The following GRB7 variants were observed in gnomAD, a reference collection of about 807,000 sequenced individuals.
GRB7 encodes the protein growth factor receptor bound protein 7.
Under a neutral mutation model 64.1 loss-of-function variants are expected in GRB7, and 47 were observed. The observed-to-expected ratio is 0.73, with a 90% CI of 0.58 to 0.94. The LOEUF (loss-of-function observed/expected upper bound fraction) is 0.94. Ranked by LOEUF, GRB7 falls within the 40% of genes least tolerant of loss-of-function variation. The pLI is 0.00. For synonymous variants in GRB7, 277 were observed against 279.9 expected (o/e 0.99, Z 0.10); for missense variants, 634 against 718.4 (o/e 0.88, Z 1.34).
In GRB7 at chr17:39,744,149, G is replaced by T. The variant is rs776279813; in HGVS notation, c.743G>T (p.Arg248Leu). The T allele has an allele frequency of 6.2e-7, 1 of 1,613,958 alleles. No individual in the cohort carries two copies. Among genetic ancestry groups the T allele is most frequent in the African/African-American group, 1.3e-5 (1 of 74,856 alleles). The change falls in exon 7 of 15, where the codon CGC (arginine) becomes CTC (leucine). Residue 248 changes from arginine (R) to leucine (L), a missense_variant. Arg to Leu is a moderately radical substitution (Grantham distance 102). Around this residue, in one of 2 missense-constraint regions of GRB7, gnomAD observed 467 missense variants for 576.6 expected, o/e 0.81. Transcript: ENST00000309156. ...GGTTCAGGACGGAAGCTTTGGAAAC[G>T]CTTTTTCTGCTTCTTGCGCCGATCT... Reference protein sequence around the residue: ...LRGSGRKLWKRFFCFLRRSGL... With the variant: ...LRGSGRKLWKLFFCFLRRSGL...
chr17:39,741,725 G>A (rs1052430410), intron 1 of GRB7, among the ~76,000 whole-genome samples: 4 of 152,166 alleles, frequency 2.6e-5, no homozygotes, highest in African/African-American at 9.7e-5. Context: ...TTGTGCTAAA[G>A]AAAGAGCACT....
Position 39,742,964 on chromosome 17 carries a change from C to G in GRB7, c.373C>G (p.Arg125Gly), listed in dbSNP as rs775378357. The G allele has an allele frequency of 6.2e-7, 1 of 1,613,146 alleles. No homozygotes were observed. Among genetic ancestry groups the G allele is most frequent in the Admixed American group, 1.7e-5 (1 of 59,920 alleles). Reference protein sequence around the residue: ...SVEVAAGATARHVCEMLVQRA... With the variant: ...SVEVAAGATAGHVCEMLVQRA... ...GGAGGTGGCAGCAGGTGCCACAGCTCGCCACGTGTGTGAAATGCTGGTGCA... is the reference window on the plus strand; with the variant it reads ...GGAGGTGGCAGCAGGTGCCACAGCTGGCCACGTGTGTGAAATGCTGGTGCA... Residue 125 changes from arginine (R) to glycine (G), a missense_variant, in exon 4 of 15, where the codon CGC becomes GGC. Around this residue, in one of 2 missense-constraint regions of GRB7, gnomAD observed 467 missense variants for 576.6 expected, o/e 0.81. Transcript: ENST00000309156.
chr17:39,745,149 C>G, intron 9 of GRB7, 94 bp from the exon 10 acceptor site: 2 of 1,222,964 alleles, frequency 1.6e-6, no homozygotes, highest in Non-Finnish European at 2.3e-6. Flanking sequence ...AGAAACACAG[C>G]CCTGGTCTGG....
chr17:39,743,819 CAAAAAAAAAAAAAA>C (rs35101034), intron 6 of GRB7, among the ~76,000 whole-genome samples: 2 of 41,676 alleles, frequency 4.8e-5, no homozygotes, highest in African/African-American at 1.1e-4. Flanking sequence ...CTCGTCTCTC[CAAAAAAAAAAAAAA>C]AAAAAAAAAA....
chr17:39,738,869 G>C (rs749642701), intron 1 of GRB7: 13 of 1,533,972 alleles, frequency 8.5e-6, no homozygotes, highest in South Asian at 1.2e-5. Context: ...TCTCCAGATT[G>C]TATGCCCTTC....
Position 39,742,983 on chromosome 17 carries a change from T to C in GRB7, c.392T>C (p.Leu131Pro), listed in dbSNP as rs1384984914. The C allele has an allele frequency of 1.2e-6, 2 of 1,613,446 alleles. No individual in the cohort carries two copies. Among genetic ancestry groups the C allele is most frequent in the South Asian group, 2.2e-5 (2 of 90,940 alleles). ...GATARHVCEM[L>P]VQRAHALSDE... ...ACAGCTCGCCACGTGTGTGAAATGC[T>C]GGTGCAGCGAGCTCACGCCTTGAGC... Residue 131 changes from leucine (L) to proline (P), a missense_variant, in exon 4 of 15, where the codon CTG (leucine) becomes CCG (proline). This residue lies in a region of GRB7 where 467 missense variants were observed against 576.6 expected (regional missense o/e 0.81). Transcript: ENST00000309156.
rs747499752 is a variant in GRB7, at chr17:39,742,957, C to T, written c.366C>T (p.Ala122=). Residue 122 remains alanine, a synonymous_variant, in exon 4 of 15, where the codon GCC becomes GCT. Transcript: ENST00000309156. ...GGTCTGTGGAGGTGGCAGCAGGTGCCACAGCTCGCCACGTGTGTGAAATGC... is the reference window on the plus strand; with the variant it reads ...GGTCTGTGGAGGTGGCAGCAGGTGCTACAGCTCGCCACGTGTGTGAAATGC... ...ACRSVEVAAG[A]TARHVCEMLV... 5 of 1,613,076 alleles carry T rather than the reference C, an allele frequency of 3.1e-6. No individual in the cohort carries two copies. Among genetic ancestry groups the T allele is most frequent in the Non-Finnish European group, 4.2e-6 (5 of 1,179,438 alleles).
chr17:39,744,715 A>C (rs2060028460), intron 8 of GRB7, 52 bp downstream of exon 8: 5 of 1,487,082 alleles, frequency 3.4e-6, no homozygotes, highest in Non-Finnish European at 4.6e-6. Flanking sequence ...GGAACTGCTC[A>C]GGCCCCTGGA....
At chr17:39,741,324 T>G (rs2059992519) in intron 1 of GRB7, among the ~76,000 whole-genome samples, 1 of 152,104 alleles carries the variant, frequency 6.6e-6, no homozygotes, top group Admixed American at 6.5e-5. Flanking sequence ...GGCAGGAGGA[T>G]GGCCTGGGGA....
At chr17:39,746,504 T>G (rs558670358) in intron 14 of GRB7, among the ~76,000 whole-genome samples, 2 of 151,576 alleles carry the variant, frequency 1.3e-5, no homozygotes, top group East Asian at 1.9e-4. Context: ...GTAGTCCAGC[T>G]ACTCAGGAGG....
At chr17:39,745,153 G>A (rs2060032961) in intron 9 of GRB7, 90 bp from the exon 10 acceptor site, 2 of 1,243,442 alleles carry the variant, frequency 1.6e-6, no homozygotes, top group Non-Finnish European at 1.1e-6. Flanking sequence ...ACACAGCCCT[G>A]GTCTGGGCAA....
chr17:39,745,171 T>C (rs1597907533), intron 9 of GRB7, 72 bp from the exon 10 acceptor site: 1 of 1,350,788 alleles, frequency 7.4e-7, no homozygotes, highest in East Asian at 2.3e-5. Context: ...CAAGTCCTGG[T>C]CTGAGGGGGG....
At chr17:39,746,558 G>A (rs1332623263) in intron 14 of GRB7, among the ~76,000 whole-genome samples, 193 bp from the exon 15 acceptor site, 2 of 151,936 alleles carry the variant, frequency 1.3e-5, no homozygotes, top group Non-Finnish European at 2.9e-5. Context: ...CAAGGCTGCA[G>A]TGAGCCATGG....
At chr17:39,745,596 C>A in intron 11 of GRB7, 58 bp downstream of exon 11, 1 of 1,568,262 alleles carries the variant, frequency 6.4e-7, no homozygotes. Context: ...TGGGTGGGAT[C>A]CCTGAAATAG....
chr17:39,743,894 G>A (rs2060019296), intron 6 of GRB7, among the ~76,000 whole-genome samples, 176 bp from the exon 7 acceptor site: 1 of 150,928 alleles, frequency 6.6e-6, no homozygotes, highest in Non-Finnish European at 1.5e-5. Context: ...TTGGGAGGCT[G>A]AGGTGGGAGG....
chr17:39,743,575 C>A, intron 6 of GRB7, 105 bp downstream of exon 6: 1 of 888,896 alleles, frequency 1.1e-6, no homozygotes. Context: ...TAGAAAGAGC[C>A]AAATCACAGT....
At position 39,744,117 on chromosome 17, in the gene GRB7, G is replaced by A. The variant is rs1398002133; in HGVS notation, c.711G>A (p.Gln237=). 2 of 1,614,208 alleles carry A rather than the reference G, an allele frequency of 1.2e-6. No individual in the cohort carries two copies. Among genetic ancestry groups the A allele is most frequent in the East Asian group, 4.5e-5 (2 of 44,894 alleles). ...GSFPEIQGFL[Q]LRGSGRKLWK... ...TTCCTGAGATCCAGGGCTTTCTGCA[G>A]CTGCGGGGTTCAGGACGGAAGCTTT... Residue 237 remains glutamine (Q), a synonymous_variant, in exon 7 of 15, where the codon CAG becomes CAA. Coordinates refer to ENST00000309156, the MANE Select transcript of GRB7 (RefSeq NM_005310.5).
At chr17:39,742,039 G>T (rs2059999110) in intron 1 of GRB7, among the ~76,000 whole-genome samples, 1 of 151,370 alleles carries the variant, frequency 6.6e-6, no homozygotes, top group Non-Finnish European at 1.5e-5. Context: ...CTAAACACAG[G>T]TTCTACTCCC....
At position 39,742,423 on chromosome 17, in the gene GRB7, G is replaced by A. The variant is rs2060003137; in HGVS notation, c.122G>A (p.Arg41Lys). The change falls in exon 2 of 15, where the codon AGG becomes AAG. Residue 41 changes from arginine (R) to lysine (K), a missense_variant. Transcript: ENST00000309156. ...PDTPLPEEVK[R>K]SQPLLIPTTG... ...ACCCCTCTGCCTGAGGAGGTAAAGA[G>A]GTCCCAGCCTCTCCTCATCCCAACC... 1.9e-6 allele frequency: 3 copies of A among 1,613,862 alleles called. No homozygotes were observed. Among genetic ancestry groups the A allele is most frequent in the South Asian group, 2.2e-5 (2 of 91,092 alleles).
Sources: gnomAD v4.1 joint callset for allele counts (sites outside exome capture counted in the v4.1 genomes callset) on GRCh38, gnomAD v4.1.1 for gene constraint, gnomAD v4.1.1 regional missense constraint, MANE v1.5 for transcripts, NCBI Gene and HGNC (gene_info 2026-07-23, HGNC 2026-07-21) for gene names.